GABRG3: variants seen among roughly 807,000 people sequenced by gnomAD.
GABRG3 encodes gamma-aminobutyric acid receptor subunit gamma-3.
Under a neutral mutation model 48.8 loss-of-function variants are expected in GABRG3, and 25 were observed. The ratio of observed to expected loss-of-function variants is 0.51; its 90% confidence interval spans 0.37 to 0.72. The LOEUF is 0.72. Ranked by LOEUF, GABRG3 falls within the 30% of genes least tolerant of loss-of-function variation. GABRG3 has a pLI of 0.00. For synonymous variants in GABRG3, 227 were observed against 217.6 expected (o/e 1.04, Z -0.38); for missense variants, 394 against 577.9 (o/e 0.68, Z 3.26).
rs1019626518 is a variant in GABRG3 at position 27,127,657 on chromosome 15, A to G, written c.270+100836A>G. 5.3e-5 allele frequency among the ~76,000 whole-genome samples: 8 copies of G among 152,272 alleles called. No individual in the cohort carries two copies. The South Asian group carries it at 1.7e-3, about 32-fold the overall frequency. ...ACACCTTTATACCTGCATGGCCAAC[A>G]CGTGCTTAAGCAGTGTTTGTTTTGG... On this transcript the variant is annotated intron_variant, in intron 3 of 9. Transcript: ENST00000615808.
intron 6 of GABRG3, among the ~76,000 whole-genome samples, chr15:27,515,119 C>G (rs1360963160): frequency 6.6e-6 from 1 of 151,388 alleles, no homozygotes; most frequent in East Asian, 1.9e-4. Flanking sequence ...GTTTTGCTCT[C>G]GTTGCCCAGG....
chr15:27,145,615 A>ATCTATCTATCTG (rs757053585), intron 3 of GABRG3, among the ~76,000 whole-genome samples: 2 of 139,258 alleles, frequency 1.4e-5, no homozygotes, highest in African/African-American at 5.5e-5. Context: ...CTATCTATCT[A>ATCTATCTATCTG]TCTATCTATC....
chr15:27,171,720 C>G (rs997248072), intron 3 of GABRG3, among the ~76,000 whole-genome samples: 1 of 152,000 alleles, frequency 6.6e-6, no homozygotes, highest in East Asian at 1.9e-4. Flanking sequence ...AATTCTTAGG[C>G]CAACCAAGAT....
At chr15:27,403,849 T>C (rs1304993512) in intron 5 of GABRG3, among the ~76,000 whole-genome samples, 2 of 145,078 alleles carry the variant, frequency 1.4e-5, no homozygotes, top group Non-Finnish European at 3.0e-5. Context: ...GAGGCAGAGG[T>C]TGCAGTGAGC....
intron 5 of GABRG3, among the ~76,000 whole-genome samples, chr15:27,423,293 TG>T (rs1888188155): frequency 2.0e-5 from 3 of 147,118 alleles, no homozygotes; most frequent in African/African-American, 7.5e-5. Flanking sequence ...TCCCAAGCCT[TG>T]GGCAAGAATC....
intron 5 of GABRG3, among the ~76,000 whole-genome samples, chr15:27,351,070 GGTAT>G (rs1894556878): frequency 6.7e-6 from 1 of 148,948 alleles, no homozygotes; most frequent in South Asian, 2.1e-4. Flanking sequence ...GTGTGTGTAT[GGTAT>G]GTGTGTGTAT....
At chr15:27,000,198 G>A (rs757342992) in intron 2 of GABRG3, among the ~76,000 whole-genome samples, 2 of 152,054 alleles carry the variant, frequency 1.3e-5, no homozygotes, top group Non-Finnish European at 2.9e-5. Context: ...ACTAATCTTT[G>A]TTGACATTTC....
chr15:27,271,776 A>G (rs1891099032), intron 3 of GABRG3: 2 of 368,746 alleles, frequency 5.4e-6, no homozygotes, highest in Non-Finnish European at 1.1e-5. Context: ...TCAGGGACGC[A>G]TAGGCAGGTG....
intron 2 of GABRG3, among the ~76,000 whole-genome samples, chr15:26,980,698 A>G (rs939780274): frequency 9.4e-6 from 1 of 105,988 alleles, no homozygotes; most frequent in African/African-American, 3.9e-5. Flanking sequence ...AAAAAAAAAA[A>G]AAAAAAAGAA....
intron 3 of GABRG3, among the ~76,000 whole-genome samples, chr15:27,325,091 A>C (rs1893564933): frequency 3.2e-5 from 4 of 123,956 alleles, no homozygotes; most frequent in Admixed American, 3.1e-4. Flanking sequence ...AGCTCTAAGC[A>C]TCAATGCTAC....
intron 3 of GABRG3, among the ~76,000 whole-genome samples, chr15:27,072,407 C>T (rs1218070064): frequency 6.6e-6 from 1 of 152,050 alleles, no homozygotes; most frequent in African/African-American, 2.4e-5. Context: ...TTCCTAACCA[C>T]CCAGGTATTC....
At chr15:27,017,500 C>T (rs1050582237) in intron 2 of GABRG3, among the ~76,000 whole-genome samples, 1 of 152,180 alleles carries the variant, frequency 6.6e-6, no homozygotes, top group African/African-American at 2.4e-5. Flanking sequence ...GTCCACCAAC[C>T]TGCCACTCTG....
At chr15:27,531,119 G>T (rs563994973) in intron 9 of GABRG3, among the ~76,000 whole-genome samples, 3 of 152,300 alleles carry the variant, frequency 2.0e-5, no homozygotes, top group Admixed American at 1.3e-4. Flanking sequence ...TGTGGAGGAG[G>T]AGGAGGGTGG....
chr15:27,137,605 A>T (rs1898032382), intron 3 of GABRG3, among the ~76,000 whole-genome samples: 1 of 152,230 alleles, frequency 6.6e-6, no homozygotes, highest in African/African-American at 2.4e-5. Flanking sequence ...AGCCTAATGT[A>T]TAACATGCAT....
chr15:27,374,135 C>CTT (rs1895506796), intron 5 of GABRG3, among the ~76,000 whole-genome samples: 1 of 116,718 alleles, frequency 8.6e-6, no homozygotes, highest in African/African-American at 3.4e-5. Context: ...CTTTTCTTTT[C>CTT]TTCTTTTTTT....
intron 3 of GABRG3, among the ~76,000 whole-genome samples, chr15:27,136,599 G>A (rs146837464): frequency 1.4e-3 from 216 of 152,242 alleles, no homozygotes; most frequent in South Asian, 5.2e-3. Context: ...ATGATCTCCC[G>A]TAATGTGATC....
rs1890379926 is a variant in GABRG3, at chr15:27,492,493, A to G, written c.712+11706A>G. On this transcript the variant is annotated intron_variant, in intron 6 of 9. Coordinates refer to ENST00000615808, the MANE Select transcript of GABRG3 (RefSeq NM_033223.5). ...TGTGGGATCCGGGGCAAGTCTAAGG[A>G]GAGAGAGCAGTTGAGCCTGGAAGCC... Among the ~76,000 whole-genome samples, 4 of 152,284 alleles carry G rather than the reference A, an allele frequency of 2.6e-5. No homozygotes were observed. The South Asian group carries it at 8.3e-4, about 32-fold the overall frequency.
Position 26,977,058 on chromosome 15 carries a change from T to A in GABRG3, c.110T>A (p.Val37Asp). 6.2e-7 allele frequency: 1 copy of A among 1,613,882 alleles called. No individual in the cohort carries two copies. Among genetic ancestry groups the A allele is most frequent in the Non-Finnish European group, 8.5e-7 (1 of 1,179,856 alleles). Reference sequence around the variant, plus strand: ...GATTCATCATCAAACCAAAAGTGGGTCTTGGCTCCAAAATCCCAAGACACC... The same window carrying A: ...GATTCATCATCAAACCAAAAGTGGGACTTGGCTCCAAAATCCCAAGACACC... Reference protein sequence around the residue: ...YEDSSSNQKWVLAPKSQDTDV... With the variant: ...YEDSSSNQKWDLAPKSQDTDV... The change falls in exon 2 of 10, where the codon GTC (valine) becomes GAC (aspartate). Residue 37 changes from valine (V) to aspartate (D), a missense_variant. Around this residue, in one of 3 missense-constraint regions of GABRG3, gnomAD observed 218 missense variants for 309.9 expected, o/e 0.70. Coordinates refer to ENST00000615808, the MANE Select transcript of GABRG3 (RefSeq NM_033223.5).
chr15:27,499,617 G>A lies in GABRG3; in HGVS notation c.712+18830G>A, dbSNP rs570820490. Among the ~76,000 whole-genome samples, 34 of 152,342 alleles carry A rather than the reference G, an allele frequency of 2.2e-4. 1 individual carries two copies. Among genetic ancestry groups the A allele is most frequent in the South Asian group, 6.2e-4 (3 of 4,832 alleles). Reference sequence around the variant, plus strand: ...ATAAGCATGAGCATCAATTAAGCTCGTAGCTCTTATTGAAGGAATTCAATA... The same window carrying A: ...ATAAGCATGAGCATCAATTAAGCTCATAGCTCTTATTGAAGGAATTCAATA... On this transcript the variant is annotated intron_variant, in intron 6 of 9. Coordinates refer to ENST00000615808, the MANE Select transcript of GABRG3 (RefSeq NM_033223.5).
Sources: allele counts gnomAD v4.1 joint callset (sites outside exome capture counted in the v4.1 genomes callset), GRCh38; gene constraint gnomAD v4.1.1; regional missense constraint gnomAD v4.1.1; transcripts MANE v1.5; gene names NCBI Gene and HGNC (gene_info 2026-07-23, HGNC 2026-07-21).